ATP2C1: variants seen among roughly 807,000 people sequenced by gnomAD.
ATP2C1 encodes the protein ATPase secretory pathway Ca2+ transporting 1.
A neutral mutation model predicts 120.5 loss-of-function variants in ATP2C1; 31 were observed. The observed-to-expected ratio is 0.26, with a 90% confidence interval of 0.19 to 0.35. ATP2C1 has a LOEUF of 0.35. Ranked by LOEUF, ATP2C1 falls within the 10% of genes least tolerant of loss-of-function variation. The probability of loss-of-function intolerance (pLI) is 1.00; values close to 1 mark genes in which losing one functional copy is unlikely to be tolerated. For missense variants in ATP2C1, 731 were observed against 1,107.5 expected (o/e 0.66, Z 4.83); for synonymous variants, 351 against 358.7 (o/e 0.98, Z 0.24).
At chr3:130,939,665 CT>C (rs2108434141) in intron 6 of ATP2C1, among the ~76,000 whole-genome samples, 1 of 152,068 alleles carries the variant, frequency 6.6e-6, no homozygotes, top group Non-Finnish European at 1.5e-5. Context: ...CCTTAATATC[CT>C]TCATGTGTTT....
At chr3:131,012,995 G>C (rs1175018180) in intron 26 of ATP2C1, among the ~76,000 whole-genome samples, 1 of 152,184 alleles carries the variant, frequency 6.6e-6, no homozygotes, top group Non-Finnish European at 1.5e-5. Flanking sequence ...GCTACCTTTA[G>C]GGCTATTCCT....
At chr3:130,964,165 GT>G (rs2060948633) in intron 13 of ATP2C1, 70 bp downstream of exon 13, 1 of 1,580,980 alleles carries the variant, frequency 6.3e-7, no homozygotes, top group Non-Finnish European at 8.7e-7. Context: ...TCATCTCAGA[GT>G]TTTACAGTTT....
downstream of ATP2C1, among the ~76,000 whole-genome samples, chr3:131,003,967 C>T (rs1014550725): frequency 3.9e-5 from 6 of 152,312 alleles, no homozygotes; most frequent in South Asian, 4.1e-4. Flanking sequence ...ATGACTCACC[C>T]ATGAAGTTAG....
chr3:130,942,939 C>T (rs987069514), intron 8 of ATP2C1, among the ~76,000 whole-genome samples: 2 of 152,148 alleles, frequency 1.3e-5, no homozygotes, highest in Non-Finnish European at 2.9e-5. Context: ...ATTCTTTATT[C>T]TGGGCTGCTG....
At chr3:131,012,241 T>TAA (rs1448066800) in intron 26 of ATP2C1, among the ~76,000 whole-genome samples, 1 of 149,184 alleles carries the variant, frequency 6.7e-6, no homozygotes, top group East Asian at 2.0e-4. Flanking sequence ...ACAACGGTCT[T>TAA]ACATGGTTTT....
At position 130,953,730 on chromosome 3, in the gene ATP2C1, A is replaced by G. The variant is rs9861881; in HGVS notation, c.532-91A>G. 5.4e-3 allele frequency: 7,116 copies of G among 1,314,646 alleles called. 45 individuals carry two copies. The highest frequency in any genetic ancestry group is 7.1e-3 in the Non-Finnish European group (6,461 of 909,910). The allele number at this position is 1,314,646 out of a possible 1,614,324, so 81.4% of individuals were successfully genotyped here. A position where few individuals can be genotyped will look rare whatever the true frequency, so the allele number is the denominator to read the frequency against. On this transcript the variant is annotated intron_variant, in intron 8 of 27. Transcript: ENST00000510168. ...GATGTGGCTAATCAATGGAAAAGGG[A>G]TGTTTGAGGAAGAAGTGATGATGGT...
At chr3:131,004,460 C>T (rs1010323124), downstream of ATP2C1, among the ~76,000 whole-genome samples, 1 of 152,174 alleles carries the variant, frequency 6.6e-6, no homozygotes. Context: ...TAATGGTTAA[C>T]CAGTCCCTGG....
Position 130,886,507 on chromosome 3 carries a change from T to C in ATP2C1, c.108+35579T>C, listed in dbSNP as rs146632020. On this transcript the variant is annotated intron_variant, in intron 1 of 26. Transcript: ENST00000504381. ...CCTTTTAAGGCTATTTTCTAGATCT[T>C]ATAGCCATGCTTCATTCTTTTTTAT... Among the ~76,000 whole-genome samples, 1,272 of 152,334 alleles carry C rather than the reference T, an allele frequency of 8.4e-3. 4 individuals are homozygous for C. Among genetic ancestry groups the C allele is most frequent in the Non-Finnish European group, 0.012 (846 of 68,030 alleles).
intron 2 of ATP2C1, among the ~76,000 whole-genome samples, chr3:130,917,650 C>A (rs1320355318): frequency 6.6e-6 from 1 of 152,164 alleles, no homozygotes; most frequent in African/African-American, 2.4e-5. Flanking sequence ...CAAAAATATT[C>A]TCTTAAAAAT....
At chr3:130,854,047 A>G (rs1399323567) in intron 1 of ATP2C1, 1 of 118,096 alleles carries the variant, frequency 8.5e-6, no homozygotes. Context: ...TCATACAGAC[A>G]AGAAGATTTG....
chr3:130,876,280 C>T (rs1165765478), intron 1 of ATP2C1, among the ~76,000 whole-genome samples: 3 of 151,962 alleles, frequency 2.0e-5, no homozygotes, highest in Admixed American at 1.3e-4. Context: ...ATTATTTAAT[C>T]CATATTGGGT....
At chr3:131,004,901 T>G (rs2063044265), downstream of ATP2C1, among the ~76,000 whole-genome samples, 1 of 152,172 alleles carries the variant, frequency 6.6e-6, no homozygotes, top group Non-Finnish European at 1.5e-5. Flanking sequence ...GCAGAGACAT[T>G]TGATTTGTCT....
chr3:130,975,518 G>A, intron 18 of ATP2C1, 30 bp downstream of exon 18: 2 of 1,610,718 alleles, frequency 1.2e-6, no homozygotes, highest in African/African-American at 2.7e-5. Context: ...GTCCCCTGGG[G>A]TGGAAAGGTA....
intron 26 of ATP2C1, chr3:131,013,756 G>C (rs1229644245): frequency 5.0e-6 from 1 of 199,652 alleles, no homozygotes; most frequent in Non-Finnish European, 1.0e-5. Flanking sequence ...TACTTTCTGA[G>C]AATGTAGCTG....
intron 25 of ATP2C1, 113 bp from the exon 26 acceptor site, chr3:130,998,181 G>A (rs1408665614): frequency 3.9e-6 from 3 of 764,270 alleles, no homozygotes; most frequent in Non-Finnish European, 6.8e-6. Context: ...TCATGTGTTA[G>A]GCTAAAGTTA....
intron 2 of ATP2C1, among the ~76,000 whole-genome samples, chr3:130,913,246 T>TA (rs2058525787): frequency 1.3e-5 from 2 of 149,982 alleles, no homozygotes. Context: ...TAAAGTATAA[T>TA]AAAAAATAAA....
chr3:130,885,775 G>C (rs1441217742), intron 1 of ATP2C1, among the ~76,000 whole-genome samples: 1 of 152,002 alleles, frequency 6.6e-6, no homozygotes, highest in African/African-American at 2.4e-5. Context: ...CACAATTACA[G>C]TTTGTTTTTG....
At chr3:130,877,039 A>G (rs1406534739) in intron 1 of ATP2C1, among the ~76,000 whole-genome samples, 1 of 152,190 alleles carries the variant, frequency 6.6e-6, no homozygotes, top group African/African-American at 2.4e-5. Context: ...ATATAAGATC[A>G]TGTTATCTGC....
At chr3:130,943,206 A>G (rs2059996174) in intron 8 of ATP2C1, among the ~76,000 whole-genome samples, 1 of 152,104 alleles carries the variant, frequency 6.6e-6, no homozygotes, top group South Asian at 2.1e-4. Context: ...TATATTGAAA[A>G]CATTGTGAAT....
Sources: gnomAD v4.1 joint callset for allele counts (sites outside exome capture counted in the v4.1 genomes callset) on GRCh38, gnomAD v4.1.1 for gene constraint, MANE v1.5 for transcripts, NCBI Gene and HGNC (gene_info 2026-07-23, HGNC 2026-07-21) for gene names.